The following HERC1 variants were observed in gnomAD, a reference collection of about 807,000 sequenced individuals.
HERC1 encodes the protein probable E3 ubiquitin-protein ligase HERC1.
A neutral mutation model predicts 554.3 loss-of-function variants in HERC1; 160 were observed. The ratio of observed to expected loss-of-function variants is 0.29; its 90% CI spans 0.25 to 0.33. The LOEUF (loss-of-function observed/expected upper bound fraction) is 0.33, where lower values mean the gene tolerates loss of function less well. Among genes scored for constraint, HERC1 ranks in the 10% least tolerant of loss-of-function variants. The pLI, the probability that HERC1 is intolerant of heterozygous loss-of-function variation, is 1.00. For synonymous variants in HERC1, 2,175 were observed against 2,131.7 expected, an observed-to-expected ratio of 1.02 and a Z score of -0.56; for missense variants, 4,919 against 5,918.5, an observed-to-expected ratio of 0.83 and a Z score of 5.54.
At chr15:63,755,200 G>A (rs781573414) in intron 6 of HERC1, 29 bp downstream of exon 6, 1 of 1,454,670 alleles carries the variant, frequency 6.9e-7, no homozygotes, top group South Asian at 1.2e-5. Flanking sequence ...TTTTCTAGAA[G>A]AATAACTTAC....
At chr15:63,688,222 A>G (rs2071892495) in intron 33 of HERC1, among the ~76,000 whole-genome samples, 1 of 152,204 alleles carries the variant, frequency 6.6e-6, no homozygotes, top group Admixed American at 6.5e-5. Context: ...TCACATTTTA[A>G]AGACGAGCCA....
chr15:63,717,993 C>T (rs549663375), intron 21 of HERC1, among the ~76,000 whole-genome samples: 2 of 152,158 alleles, frequency 1.3e-5, no homozygotes, highest in Admixed American at 6.5e-5. Context: ...GTTACCCTTT[C>T]GTCCTAGTTG....
chr15:63,640,490 A>C, intron 60 of HERC1, 45 bp from the exon 61 acceptor site: 1 of 1,458,044 alleles, frequency 6.9e-7, no homozygotes, highest in Non-Finnish European at 9.5e-7. Flanking sequence ...AGTTTGTGCC[A>C]AATATTCTAA....
intron 12 of HERC1, among the ~76,000 whole-genome samples, chr15:63,744,996 C>A (rs548148283): frequency 6.6e-6 from 1 of 152,170 alleles, no homozygotes; most frequent in Admixed American, 6.5e-5. Context: ...GAGTCCTTTT[C>A]TTCAAGGCAG....
At chr15:63,830,003 AT>A (rs1448083312) in intron 1 of HERC1, among the ~76,000 whole-genome samples, 1 of 152,218 alleles carries the variant, frequency 6.6e-6, no homozygotes, top group Admixed American at 6.5e-5. Context: ...AAGAATTCCA[AT>A]TAATAAATGC....
At chr15:63,652,388 G>A in intron 52 of HERC1, 26 bp downstream of exon 52, 1 of 1,587,594 alleles carries the variant, frequency 6.3e-7, no homozygotes, top group Non-Finnish European at 8.6e-7. Context: ...TATTTTAAAT[G>A]GTATACACGT....
chr15:63,748,339 A>G (rs1424052866), intron 10 of HERC1, among the ~76,000 whole-genome samples: 2 of 152,170 alleles, frequency 1.3e-5, no homozygotes, highest in Non-Finnish European at 1.5e-5. Flanking sequence ...ACTAAGGAAA[A>G]CCAAGAATTT....
chr15:63,759,701 G>A (rs1192261435), intron 3 of HERC1, among the ~76,000 whole-genome samples: 2 of 152,164 alleles, frequency 1.3e-5, no homozygotes, highest in African/African-American at 4.8e-5. Flanking sequence ...TGACTACAGT[G>A]ACTATCAATT....
In HERC1 at chr15:63,655,829, C is replaced by A. The variant is rs1343043326; in HGVS notation, c.9997G>T (p.Val3333Phe). The A allele has an allele frequency of 2.5e-6, 4 of 1,600,876 alleles. No homozygotes were observed. Among genetic ancestry groups the A allele is most frequent in the Non-Finnish European group, 3.4e-6 (4 of 1,173,172 alleles). Residue 3333 changes from valine to phenylalanine, a missense_variant, in exon 50 of 78, where the codon GTT becomes TTT. This residue lies in a region of HERC1 where 1,963 missense variants were observed against 2,228.6 expected (regional missense o/e 0.88). Transcript: ENST00000443617. Reference protein sequence around the residue: ...ENKLVTSPNFVVTQALVALLA... With the variant: ...ENKLVTSPNFFVTQALVALLA... ...AATGCCACAAGGGCCTGTGTTACAA[C>A]AAAGTTTGGGGAGGTCACAAGCTTG... is the stretch of plus-strand genomic sequence containing the variant.
chr15:63,683,065 G>C (rs2071559153), intron 34 of HERC1, among the ~76,000 whole-genome samples: 1 of 151,208 alleles, frequency 6.6e-6, no homozygotes, highest in Non-Finnish European at 1.5e-5. Flanking sequence ...GAAACTGGCA[G>C]GTGGAGGTTG....
Position 63,791,693 on chromosome 15 carries a change from G to A in HERC1, c.-26-16044C>T, listed in dbSNP as rs1195244433. ...GTTCTAAAACACTTAAAATCAATTC[G>A]ATGTCTAAATGTTTTAAGCTGTAAG... On this transcript the variant is annotated intron_variant, in intron 1 of 77. Coordinates refer to ENST00000443617, the MANE Select transcript of HERC1 (RefSeq NM_003922.4). 3.9e-5 allele frequency among the ~76,000 whole-genome samples: 6 copies of A among 152,054 alleles called. No homozygotes were observed. The South Asian group carries it at 6.2e-4, about 16-fold the overall frequency.
intron 1 of HERC1, among the ~76,000 whole-genome samples, chr15:63,783,256 T>C (rs376343657): frequency 1.4e-4 from 21 of 152,280 alleles, no homozygotes; most frequent in Admixed American, 2.6e-4. Context: ...AACTTCACTG[T>C]TGTCTTGTTT....
Position 63,609,212 on chromosome 15 carries a change from G to C in HERC1, c.14455C>G (p.Pro4819Ala). ...QTCFFQLRLP[P>A]YSSQLVMAER... is the part of the protein sequence containing the mutation. ...GCCATGACCAGCTGGCTGGAGTACG[G>C]GGGCAGCCTCAGCTGGAAGAAGCAG... Residue 4819 changes from proline to alanine, a missense_variant, in exon 78 of 78, where the codon CCG (proline) becomes GCG (alanine). Transcript: ENST00000443617. 6.2e-7 allele frequency: 1 copy of C among 1,613,672 alleles called. No homozygotes were observed. Among genetic ancestry groups the C allele is most frequent in the Non-Finnish European group, 8.5e-7 (1 of 1,179,804 alleles).
At chr15:63,803,638 T>C (rs914127571) in intron 1 of HERC1, among the ~76,000 whole-genome samples, 12 of 152,202 alleles carry the variant, frequency 7.9e-5, no homozygotes, top group African/African-American at 2.9e-4. Context: ...AATGAACCAA[T>C]TGCCAATTCA....
chr15:63,665,686 C>T lies in HERC1; in HGVS notation c.8555+233G>A, dbSNP rs79092379. ...TGTTTCCTTTTTCAGTACAATTTTACACAAAAATTATGAAATTTCTTCTGG... is the reference window on the plus strand; with the variant it reads ...TGTTTCCTTTTTCAGTACAATTTTATACAAAAATTATGAAATTTCTTCTGG... On this transcript the variant is annotated intron_variant, in intron 42 of 77. Transcript: ENST00000443617. Among the ~76,000 whole-genome samples the T allele has an allele frequency of 7.4e-3, 1,119 of 152,228 alleles. 15 individuals are homozygous for T. The highest frequency in any genetic ancestry group is 0.026 in the African/African-American group (1,077 of 41,538).
At chr15:63,609,908 A>G (rs2152696480) in intron 77 of HERC1, among the ~76,000 whole-genome samples, 1 of 152,320 alleles carries the variant, frequency 6.6e-6, no homozygotes. Context: ...TTCAGGATAC[A>G]TTAGGAGGTT....
intron 1 of HERC1, among the ~76,000 whole-genome samples, chr15:63,783,363 G>T (rs1014404971): frequency 6.6e-6 from 1 of 151,974 alleles, no homozygotes; most frequent in Non-Finnish European, 1.5e-5. Context: ...TGAGCAAAAA[G>T]ATTACAACTC....
intron 1 of HERC1, among the ~76,000 whole-genome samples, chr15:63,819,961 T>C (rs2077628185): frequency 6.6e-6 from 1 of 152,140 alleles, no homozygotes; most frequent in Non-Finnish European, 1.5e-5. Flanking sequence ...AAATAATACA[T>C]GGAAAAACGC....
chr15:63,648,077 C>T lies in HERC1; in HGVS notation c.10870G>A (p.Ala3624Thr). ...TTTAAAGATGCATTTACCTTATGTG[C>T]ATCAATTAGAACAATGCCTCCTTTC... is the stretch of plus-strand genomic sequence containing the variant. ...LEKGGIVLID[A>T]HKDTLISMKW... Residue 3624 changes from alanine (A) to threonine (T), a missense_variant, in exon 55 of 78, where the codon GCA (alanine) becomes ACA (threonine). By Grantham distance (58) the Ala-to-Thr change is moderately conservative. Transcript: ENST00000443617. The T allele has an allele frequency of 6.4e-7, 1 of 1,556,008 alleles. No individual in the cohort carries two copies. The highest frequency in any genetic ancestry group is 8.7e-7 in the Non-Finnish European group (1 of 1,148,648).
Sources: allele counts gnomAD v4.1 joint callset (sites outside exome capture counted in the v4.1 genomes callset), GRCh38; gene constraint gnomAD v4.1.1; regional missense constraint gnomAD v4.1.1; transcripts MANE v1.5; gene names NCBI Gene and HGNC (gene_info 2026-07-23, HGNC 2026-07-21).